ADCY9: variants seen among roughly 807,000 people sequenced by gnomAD.
ADCY9 encodes adenylate cyclase 9, also known as adenylate cyclase type 9.
ADCY9 carries 50 observed loss-of-function variants against 101.5 expected under a neutral mutation model. The observed-to-expected ratio is 0.49, with a 90% CI of 0.39 to 0.62. The LOEUF is 0.62. Among genes scored for constraint, ADCY9 ranks in the 20% least tolerant of loss-of-function variants. The probability of loss-of-function intolerance (pLI) is 0.00; values close to 1 mark genes in which losing one functional copy is unlikely to be tolerated. For missense variants in ADCY9, 1,662 were observed against 1,800.4 expected, an observed-to-expected ratio of 0.92 and a Z score of 1.39; for synonymous variants, 905 against 769.3, an observed-to-expected ratio of 1.18 and a Z score of -2.92.
intron 3 of ADCY9, among the ~76,000 whole-genome samples, chr16:4,003,678 C>A (rs1265161555): frequency 1.3e-5 from 2 of 151,636 alleles, no homozygotes; most frequent in East Asian, 3.9e-4. Flanking sequence ...GATCTTCCTG[C>A]CTCAGCTGTC....
chr16:4,090,943 TCAAGAAA>T (rs934963712), intron 2 of ADCY9, among the ~76,000 whole-genome samples: 2 of 152,034 alleles, frequency 1.3e-5, no homozygotes, highest in Non-Finnish European at 2.9e-5. Context: ...ATTATTTCAA[TCAAGAAA>T]CATAATGGCC....
At chr16:3,979,544 C>T (rs185393150) in intron 7 of ADCY9, among the ~76,000 whole-genome samples, 2 of 152,356 alleles carry the variant, frequency 1.3e-5, no homozygotes, top group East Asian at 3.9e-4. Flanking sequence ...GCTTCGCTCG[C>T]CTAACAGAAC....
At chr16:4,028,878 G>A (rs1288890064) in intron 2 of ADCY9, among the ~76,000 whole-genome samples, 7 of 151,786 alleles carry the variant, frequency 4.6e-5, no homozygotes, top group East Asian at 1.9e-4. Flanking sequence ...TCTGCCTCCC[G>A]GGTTCAAGCA....
intron 2 of ADCY9, among the ~76,000 whole-genome samples, chr16:4,047,477 A>G (rs2056672984): frequency 6.6e-6 from 1 of 151,936 alleles, no homozygotes; most frequent in Admixed American, 6.6e-5. Context: ...ATTATTTAAA[A>G]AAATCTTCAG....
chr16:4,029,612 TGG>T lies in ADCY9; in HGVS notation c.1694-22056_1694-22055del, dbSNP rs200289277. ...AAATACAAAAATTAGCTGGGTGAGG[TGG>T]CACGTGCCTGTAATCCCAGCTACTG... On this transcript the variant is annotated intron_variant, in intron 2 of 10. Transcript: ENST00000294016. Among the ~76,000 whole-genome samples, 1,396 of 152,152 alleles carry T rather than the reference TGG, an allele frequency of 9.2e-3. 26 individuals carry two copies. The highest frequency in any genetic ancestry group is 0.047 in the Admixed American group (714 of 15,284).
intron 2 of ADCY9, among the ~76,000 whole-genome samples, chr16:4,102,797 C>A (rs561207038): frequency 9.3e-4 from 142 of 152,336 alleles, no homozygotes; most frequent in African/African-American, 3.3e-3. Context: ...TCTCGGCTCA[C>A]TGCAGCCTCC....
At chr16:4,000,656 C>T (rs1567431878) in intron 3 of ADCY9, among the ~76,000 whole-genome samples, 1 of 151,976 alleles carries the variant, frequency 6.6e-6, no homozygotes, top group African/African-American at 2.4e-5. Context: ...ACGTGTAAAA[C>T]TCACACACAC....
intron 2 of ADCY9, among the ~76,000 whole-genome samples, chr16:4,101,209 C>T (rs1244398576): frequency 6.6e-6 from 1 of 151,872 alleles, no homozygotes; most frequent in Non-Finnish European, 1.5e-5. Context: ...GTCTTCTCAT[C>T]TATAAAATAG....
intron 2 of ADCY9, among the ~76,000 whole-genome samples, chr16:4,076,702 G>A (rs915796124): frequency 2.6e-5 from 4 of 152,184 alleles, no homozygotes; most frequent in Admixed American, 2.0e-4. Context: ...TAGTTTCAAA[G>A]AGAACCAAAT....
At chr16:4,101,281 ATT>A (rs34733913) in intron 2 of ADCY9, among the ~76,000 whole-genome samples, 2 of 135,506 alleles carry the variant, frequency 1.5e-5, no homozygotes. Flanking sequence ...TGTTCAGGTG[ATT>A]TTTTTTTTTT....
chr16:3,976,366 G>A (rs1567418061), intron 9 of ADCY9, among the ~76,000 whole-genome samples: 1 of 152,098 alleles, frequency 6.6e-6, no homozygotes, highest in African/African-American at 2.4e-5. Flanking sequence ...ACTGGATGTC[G>A]CTAATGGCAA....
At position 3,983,218 on chromosome 16, in the gene ADCY9, C is replaced by G. The variant is rs1385688721; in HGVS notation, c.2519+14G>C. On this transcript the variant is annotated intron_variant, in intron 7 of 10. Transcript: ENST00000294016. ...ACGGCTCAGAGCTGGAGACCCAGTCCACGCGGCGCTTACCTGATGGACACC... is the reference window on the plus strand; with the variant it reads ...ACGGCTCAGAGCTGGAGACCCAGTCGACGCGGCGCTTACCTGATGGACACC... The G allele has an allele frequency of 6.5e-7, 1 of 1,544,902 alleles. No individual in the cohort carries two copies. Among genetic ancestry groups the G allele is most frequent in the Non-Finnish European group, 8.7e-7 (1 of 1,144,020 alleles).
chr16:4,049,688 G>A (rs1033259080), intron 2 of ADCY9, among the ~76,000 whole-genome samples: 1 of 151,966 alleles, frequency 6.6e-6, no homozygotes, highest in South Asian at 2.1e-4. Context: ...CATGTCCACC[G>A]TCCCTTTACC....
intron 3 of ADCY9, among the ~76,000 whole-genome samples, chr16:4,000,721 C>T (rs967899865): frequency 6.6e-6 from 1 of 151,986 alleles, no homozygotes; most frequent in Non-Finnish European, 1.5e-5. Flanking sequence ...CTCACTCAAT[C>T]CCTTAGCCCT....
intron 2 of ADCY9, among the ~76,000 whole-genome samples, chr16:4,060,893 T>C (rs866805973): frequency 2.0e-5 from 3 of 152,110 alleles, no homozygotes; most frequent in African/African-American, 4.8e-5. Flanking sequence ...GGCCCAGATA[T>C]TGGACTTAAC....
chr16:4,081,454 T>C (rs1567140559), intron 2 of ADCY9, among the ~76,000 whole-genome samples: 1 of 152,222 alleles, frequency 6.6e-6, no homozygotes, highest in Non-Finnish European at 1.5e-5. Flanking sequence ...GTTTAAGAAA[T>C]ACGTTTGTTA....
intron 2 of ADCY9, among the ~76,000 whole-genome samples, chr16:4,014,939 C>CTT (rs578260761): frequency 0.51 from 47,185 of 91,696 alleles, 14,561 homozygotes; most frequent in Non-Finnish European, 0.59. Flanking sequence ...CTGTTTTGGC[C>CTT]TTTTTTTTTT....
intron 5 of ADCY9, among the ~76,000 whole-genome samples, chr16:3,953,969 G>A (rs558085374): frequency 6.6e-6 from 1 of 152,162 alleles, no homozygotes; most frequent in Non-Finnish European, 1.5e-5. Context: ...GAATTTGATT[G>A]GAATAACTGG....
rs2056135958 is a variant in ADCY9, at chr16:3,980,899, G to A, written c.2520-1624C>T. Among the ~76,000 whole-genome samples the A allele has an allele frequency of 2.0e-5, 3 of 152,310 alleles. No individual in the cohort carries two copies. The South Asian group carries it at 6.2e-4, about 32-fold the overall frequency. On this transcript the variant is annotated intron_variant, in intron 7 of 10. Coordinates refer to ENST00000294016, the MANE Select transcript of ADCY9 (RefSeq NM_001116.4). ...CAGGGATCTGAAAATGAGACCTCAC[G>A]CCTGCTGGGGCAGAGCAGAGAGGGT...
Sources: gnomAD v4.1 joint callset for allele counts (sites outside exome capture counted in the v4.1 genomes callset) on GRCh38, gnomAD v4.1.1 for gene constraint, MANE v1.5 for transcripts, NCBI Gene and HGNC (gene_info 2026-07-23, HGNC 2026-07-21) for gene names.